Variants in PLS1 observed in about 807,000 individuals in gnomAD.
The protein encoded by PLS1 is plastin 1, also known as plastin-1.
PLS1 carries 32 observed loss-of-function variants against 73.7 expected under a neutral mutation model. That is an observed-to-expected ratio of 0.43 (90% CI 0.33 to 0.58). The LOEUF is 0.58. Ranked by LOEUF, PLS1 falls within the 20% of genes least tolerant of loss-of-function variation. The pLI is 0.04. For synonymous variants in PLS1, 217 were observed against 261.3 expected (o/e 0.83, Z 1.63); for missense variants, 633 against 740.5 (o/e 0.85, Z 1.68).
In PLS1 at chr3:142,713,323, G is replaced by A. The variant is rs1933219827; in HGVS notation, c.*1316G>A. 1 of 152,536 alleles carries A rather than the reference G, an allele frequency of 6.6e-6. No individual in the cohort carries two copies. The highest frequency in any genetic ancestry group is 1.5e-5 in the Non-Finnish European group (1 of 68,000). The allele number at this position is 152,536 out of a possible 1,614,324, so 9.4% of individuals were successfully genotyped here. A position where few individuals can be genotyped will look rare whatever the true frequency, so the allele number is the denominator to read the frequency against. ...TGTCACTTTATCTCAGTGTGAATGA[G>A]TAGTCTAAATTCCCTTTCTACCATT... On this transcript the variant is annotated 3_prime_UTR_variant, in exon 16 of 16. Transcript: ENST00000457734.
intron 6 of PLS1, among the ~76,000 whole-genome samples, chr3:142,681,076 AC>A (rs939133201): frequency 1.3e-5 from 2 of 152,088 alleles, no homozygotes. Context: ...ATAGACTATT[AC>A]CCCCTGCATA....
intron 1 of PLS1, among the ~76,000 whole-genome samples, chr3:142,642,373 T>C (rs2036860520): frequency 1.3e-5 from 2 of 152,216 alleles, no homozygotes; most frequent in Admixed American, 1.3e-4. Flanking sequence ...TCATTTTCCA[T>C]TATTTTAAGT....
chr3:142,685,850 C>A (rs1311215035), intron 8 of PLS1, among the ~76,000 whole-genome samples: 1 of 152,150 alleles, frequency 6.6e-6, no homozygotes, highest in African/African-American at 2.4e-5. Flanking sequence ...TCTTTGGAGA[C>A]AATGACATTA....
chr3:142,682,401 G>T (rs1469238569), intron 6 of PLS1, among the ~76,000 whole-genome samples: 1 of 152,170 alleles, frequency 6.6e-6, no homozygotes, highest in Admixed American at 6.5e-5. Context: ...AAGACAAGAG[G>T]ATAGCACACA....
chr3:142,684,178 T>G lies in PLS1; in HGVS notation c.745+7T>G, dbSNP rs754490210. 9.3e-6 allele frequency: 15 copies of G among 1,613,900 alleles called. No individual in the cohort carries two copies. In the East Asian group the frequency reaches 3.1e-4, roughly 34 times the overall value. On this transcript the variant is annotated splice_region_variant and intron_variant, in intron 7 of 15. Transcript: ENST00000457734. ...GAGATTTCCAGGAATGAAGGTAAGA[T>G]CATTAGAAATATTTGCTGTTCATTG...
chr3:142,620,886 C>T (rs2036302482), intron 1 of PLS1, among the ~76,000 whole-genome samples: 1 of 152,058 alleles, frequency 6.6e-6, no homozygotes. Flanking sequence ...GGCGCGGTGG[C>T]AGGTGCCTGT....
intron 1 of PLS1, among the ~76,000 whole-genome samples, chr3:142,609,757 C>T (rs2036085151): frequency 6.6e-6 from 1 of 152,216 alleles, no homozygotes; most frequent in Non-Finnish European, 1.5e-5. Flanking sequence ...GATTTAGCAA[C>T]CTGATTTCCA....
At chr3:142,604,985 A>C (rs2035993874) in intron 1 of PLS1, among the ~76,000 whole-genome samples, 1 of 152,156 alleles carries the variant, frequency 6.6e-6, no homozygotes, top group South Asian at 2.1e-4. Flanking sequence ...AGGAAATCTG[A>C]AAATCTCTGA....
At chr3:142,650,549 C>T (rs1054432647) in intron 1 of PLS1, among the ~76,000 whole-genome samples, 13 of 152,080 alleles carry the variant, frequency 8.5e-5, no homozygotes, top group Non-Finnish European at 1.8e-4. Context: ...TTGTTGGCTC[C>T]AGCTGGATTT....
chr3:142,642,506 C>A (rs941863469), intron 1 of PLS1, among the ~76,000 whole-genome samples: 1 of 152,116 alleles, frequency 6.6e-6, no homozygotes, highest in Admixed American at 6.5e-5. Context: ...TAATTTGAGG[C>A]TTTTGAATCC....
intron 1 of PLS1, among the ~76,000 whole-genome samples, chr3:142,602,120 T>C (rs111499472): frequency 6.6e-6 from 1 of 151,914 alleles, no homozygotes. Flanking sequence ...TTTTTTTTTT[T>C]TCATTCCACT....
intron 1 of PLS1, among the ~76,000 whole-genome samples, chr3:142,642,339 ATTT>A: frequency 6.6e-6 from 1 of 152,050 alleles, no homozygotes; most frequent in East Asian, 1.9e-4. Context: ...TAAATTCTCT[ATTT>A]TTTAGAAGTT....
intron 1 of PLS1, among the ~76,000 whole-genome samples, chr3:142,631,522 G>T (rs370602886): frequency 6.6e-6 from 1 of 151,118 alleles, no homozygotes; most frequent in African/African-American, 2.4e-5. Flanking sequence ...CAAAGCTGGC[G>T]TGGTGGTGTG....
intron 1 of PLS1, among the ~76,000 whole-genome samples, chr3:142,598,607 G>A (rs571501842): frequency 3.0e-4 from 45 of 152,342 alleles, no homozygotes; most frequent in African/African-American, 1.0e-3. Flanking sequence ...GAAGCATGTG[G>A]TGAAAGACTA....
Position 142,684,245 on chromosome 3 carries a change from G to C in PLS1, c.746-8G>C, listed in dbSNP as rs777013155. On this transcript the variant is annotated splice_region_variant and splice_polypyrimidine_tract_variant and intron_variant, in intron 7 of 15. Coordinates refer to ENST00000457734, the MANE Select transcript of PLS1 (RefSeq NM_001145319.2). Reference sequence around the variant, plus strand: ...GGAAGAATTTACATTTCGCTGTTTTGCCCTCAGCTCTGATTGCATTGTTAA... The same window carrying C: ...GGAAGAATTTACATTTCGCTGTTTTCCCCTCAGCTCTGATTGCATTGTTAA... 2.5e-6 allele frequency: 4 copies of C among 1,613,890 alleles called. No individual in the cohort carries two copies. Among genetic ancestry groups the C allele is most frequent in the Non-Finnish European group, 3.4e-6 (4 of 1,179,966 alleles).
At chr3:142,613,534 C>A (rs56161530) in intron 1 of PLS1, among the ~76,000 whole-genome samples, 17,407 of 151,930 alleles carry the variant, frequency 0.11, 1,040 homozygotes, top group Non-Finnish European at 0.13. Context: ...AAGTTCTGGT[C>A]TTAGAAGGAA....
chr3:142,631,452 C>CTCCA (rs1459029436), intron 1 of PLS1, among the ~76,000 whole-genome samples: 3 of 150,716 alleles, frequency 2.0e-5, no homozygotes, highest in Non-Finnish European at 1.5e-5. Flanking sequence ...TGCCACTGCA[C>CTCCA]TCCAGCCTGG....
At chr3:142,693,247 G>A (rs1431228868) in intron 10 of PLS1, among the ~76,000 whole-genome samples, 1 of 152,178 alleles carries the variant, frequency 6.6e-6, no homozygotes, top group Non-Finnish European at 1.5e-5. Flanking sequence ...GTGGGTAGAT[G>A]ATTTCCTGAA....
chr3:142,658,459 A>C (rs536358325), intron 1 of PLS1, among the ~76,000 whole-genome samples: 1 of 150,810 alleles, frequency 6.6e-6, no homozygotes, highest in East Asian at 1.9e-4. Flanking sequence ...CTGGGCAACA[A>C]AGTGAGACTT....
Sources: gnomAD v4.1 joint callset for allele counts (sites outside exome capture counted in the v4.1 genomes callset) on GRCh38, gnomAD v4.1.1 for gene constraint, MANE v1.5 for transcripts, NCBI Gene and HGNC (gene_info 2026-07-23, HGNC 2026-07-21) for gene names.